The following ATIC variants were observed in gnomAD, a reference collection of about 807,000 sequenced individuals.
ATIC encodes the protein 5-aminoimidazole-4-carboxamide ribonucleotide formyltransferase/IMP cyclohydrolase.
A neutral mutation model predicts 72.5 loss-of-function variants in ATIC; 64 were observed. That is an observed-to-expected ratio of 0.88 (90% CI 0.72 to 1.09). The LOEUF is 1.09. Among genes scored for constraint, ATIC ranks in the 50% least tolerant of loss-of-function variants. The pLI is 0.00. For missense variants in ATIC, 787 were observed against 732.4 expected (o/e 1.07, Z -0.86); for synonymous variants, 281 against 267.1 (o/e 1.05, Z -0.51).
chr2:215,319,220 C>T (rs1410096833), intron 3 of ATIC, among the ~76,000 whole-genome samples: 1 of 152,104 alleles, frequency 6.6e-6, no homozygotes. Flanking sequence ...TTGATAACTC[C>T]CCAACTACAT....
At chr2:215,365,966 A>ATTTTTTTTTTTTTT in the ATIC span, among the ~76,000 whole-genome samples, 379 of 90,312 alleles carry the variant, frequency 4.2e-3, no homozygotes, top group Non-Finnish European at 5.0e-3. Context: ...CCACAGTGCT[A>ATTTTTTTTTTTTTT]TTTTTTTTTT....
chr2:215,356,925 T>A, the ATIC span, among the ~76,000 whole-genome samples: 1 of 152,314 alleles, frequency 6.6e-6, no homozygotes, highest in Admixed American at 6.5e-5. Context: ...GAACATATGT[T>A]TTCTGTTCTC....
At chr2:215,330,603 A>G (rs2052881306) in intron 7 of ATIC, among the ~76,000 whole-genome samples, 1 of 152,028 alleles carries the variant, frequency 6.6e-6, no homozygotes, top group African/African-American at 2.4e-5. Flanking sequence ...CCATTACAGT[A>G]TCATGCAGAA....
chr2:215,316,750 T>A (rs7596330), intron 2 of ATIC, among the ~76,000 whole-genome samples: 4,745 of 152,236 alleles, frequency 0.031, 244 homozygotes, highest in African/African-American at 0.11. Flanking sequence ...CTTCCTGCTT[T>A]ATTTATTTTT....
downstream of ATIC, among the ~76,000 whole-genome samples, chr2:215,352,378 T>G (rs7565311): frequency 6.6e-6 from 1 of 151,856 alleles, no homozygotes; most frequent in African/African-American, 2.4e-5. Flanking sequence ...GGTCAGGAGT[T>G]CGAGACCAGC....
intron 7 of ATIC, among the ~76,000 whole-genome samples, chr2:215,328,574 G>C (rs2052855154): frequency 6.6e-6 from 1 of 152,092 alleles, no homozygotes; most frequent in African/African-American, 2.4e-5. Context: ...TTGTTATTCA[G>C]GCCTCACCTC....
At chr2:215,325,524 A>G (rs545188933) in intron 5 of ATIC, among the ~76,000 whole-genome samples, 195 bp downstream of exon 5, 10 of 151,506 alleles carry the variant, frequency 6.6e-5, no homozygotes, top group Non-Finnish European at 1.0e-4. Flanking sequence ...GTATGCAGAG[A>G]TGCATCTGGG....
intron 2 of ATIC, among the ~76,000 whole-genome samples, chr2:215,314,902 A>G (rs2052692994): frequency 6.6e-6 from 1 of 152,218 alleles, no homozygotes; most frequent in Non-Finnish European, 1.5e-5. Flanking sequence ...AGCATAACAA[A>G]TTTATTTAAC....
chr2:215,349,216 C>T lies in ATIC; in HGVS notation c.1626C>T (p.Phe542=), dbSNP rs140751661. ...TEVSISSDAF[F]PFRDNVDRAK... ...TTTCTATCAGCTCTGATGCCTTCTT[C>T]CCTTTCCGAGATAACGTAGACAGAG... The change falls in exon 15 of 16, where the codon TTC becomes TTT. Residue 542 remains phenylalanine, a synonymous_variant. Transcript: ENST00000236959. 13 of 1,614,126 alleles carry T rather than the reference C, an allele frequency of 8.1e-6. No homozygotes were observed. In the South Asian group the frequency reaches 1.2e-4, roughly 15 times the overall value.
the ATIC span, chr2:215,364,442 A>C: frequency 3.7e-6 from 1 of 267,516 alleles, no homozygotes. Flanking sequence ...GGAGGGTCTC[A>C]GGCTGCCCAG....
chr2:215,350,034 C>T (rs553875355), downstream of ATIC, among the ~76,000 whole-genome samples: 12 of 152,266 alleles, frequency 7.9e-5, no homozygotes, highest in African/African-American at 2.9e-4. Context: ...ATGTAAATTA[C>T]CTAGAATTCT....
rs563391547 is a variant in ATIC, at chr2:215,312,310, C to T, written c.19+149C>T. 7.6e-6 allele frequency: 11 copies of T among 1,450,622 alleles called. No homozygotes were observed. The African/African-American group carries it at 1.1e-4, about 15-fold the overall frequency. 89.9% of individuals were successfully genotyped at this position (1,450,622 alleles called of 1,614,324 possible). A position where few individuals can be genotyped will look rare whatever the true frequency, so the allele number is the denominator to read the frequency against. On this transcript the variant is annotated intron_variant, in intron 1 of 15. Transcript: ENST00000236959. Reference sequence around the variant, plus strand: ...CCCCGCTCCCCGGCCGGGCCGCAGCCTGCGTGGGGCCCGCCTTAGAGCAGC... The same window carrying T: ...CCCCGCTCCCCGGCCGGGCCGCAGCTTGCGTGGGGCCCGCCTTAGAGCAGC...
intron 11 of ATIC, among the ~76,000 whole-genome samples, chr2:215,338,216 G>A (rs1042653124): frequency 5.9e-5 from 9 of 152,178 alleles, no homozygotes; most frequent in African/African-American, 2.2e-4. Context: ...CAAAATTTGG[G>A]AGAGGAAGAT....
chr2:215,334,732 G>C (rs2052936588), intron 9 of ATIC, among the ~76,000 whole-genome samples, 187 bp from the exon 10 acceptor site: 1 of 152,122 alleles, frequency 6.6e-6, no homozygotes, highest in African/African-American at 2.4e-5. Context: ...TCACTCTAGA[G>C]GGTAAAATTA....
intron 12 of ATIC, among the ~76,000 whole-genome samples, chr2:215,342,582 T>G (rs950063311): frequency 5.3e-5 from 8 of 152,324 alleles, no homozygotes; most frequent in Non-Finnish European, 8.8e-5. Flanking sequence ...GCTTCCACCC[T>G]CTCCTTACCC....
chr2:215,358,320 T>C, the ATIC span, among the ~76,000 whole-genome samples: 1 of 152,232 alleles, frequency 6.6e-6, no homozygotes, highest in Non-Finnish European at 1.5e-5. Context: ...CTAATTTTTC[T>C]TGCATTGTTG....
chr2:215,348,893 G>T, intron 14 of ATIC: 1 of 349,798 alleles, frequency 2.9e-6, no homozygotes, highest in Non-Finnish European at 5.0e-6. Context: ...GGGAGGTGGA[G>T]GTTGCGGTGA....
At position 215,349,228 on chromosome 2, in the gene ATIC, T is replaced by G. The variant is rs1280005563; in HGVS notation, c.1638T>G (p.Asp546Glu). ...CTGATGCCTTCTTCCCTTTCCGAGA[T>G]AACGTAGACAGAGCTAAAAGGGTAA... ...ISSDAFFPFR[D>E]NVDRAKRSGV... The change falls in exon 15 of 16, where the codon GAT (aspartate) becomes GAG (glutamate). Residue 546 changes from aspartate (D) to glutamate (E), a missense_variant. Asp to Glu is a conservative substitution (Grantham distance 45, BLOSUM62 2). Transcript: ENST00000236959. 1 of 1,614,056 alleles carries G rather than the reference T, an allele frequency of 6.2e-7. No homozygotes were observed. The highest frequency in any genetic ancestry group is 8.5e-7 in the Non-Finnish European group (1 of 1,180,036).
At chr2:215,341,227 A>T (rs914836724) in intron 12 of ATIC, among the ~76,000 whole-genome samples, 1 of 152,244 alleles carries the variant, frequency 6.6e-6, no homozygotes, top group Non-Finnish European at 1.5e-5. Flanking sequence ...GGCATTATAC[A>T]TAGAAATATC....
Sources: allele counts gnomAD v4.1 joint callset (sites outside exome capture counted in the v4.1 genomes callset), GRCh38; gene constraint gnomAD v4.1.1; transcripts MANE v1.5; gene names NCBI Gene and HGNC (gene_info 2026-07-23, HGNC 2026-07-21).